Variants in FCHO2 observed in about 807,000 individuals in gnomAD.
FCHO2 encodes the protein FCH and mu domain containing endocytic adaptor 2, also known as F-BAR domain only protein 2.
A neutral mutation model predicts 114.1 loss-of-function variants in FCHO2; 43 were observed. The observed-to-expected ratio is 0.38, with a 90% CI of 0.30 to 0.49. The LOEUF (loss-of-function observed/expected upper bound fraction) is 0.49, where lower values mean the gene tolerates loss of function less well. Among genes scored for constraint, FCHO2 ranks in the 20% least tolerant of loss-of-function variants. The pLI is 0.97. For missense variants in FCHO2, 807 were observed against 950.4 expected (o/e 0.85, Z 1.98); for synonymous variants, 293 against 315.2 (o/e 0.93, Z 0.75).
At chr5:72,984,042 A>C (rs2112652039) in intron 2 of FCHO2, among the ~76,000 whole-genome samples, 1 of 152,208 alleles carries the variant, frequency 6.6e-6, no homozygotes, top group African/African-American at 2.4e-5. Context: ...GTTCTCATCA[A>C]TTCTTGGTAT....
chr5:73,083,609 C>T (rs965032604), intron 24 of FCHO2, among the ~76,000 whole-genome samples: 2 of 152,086 alleles, frequency 1.3e-5, no homozygotes, highest in African/African-American at 4.8e-5. Context: ...AGCCCCTTGC[C>T]GTCCCGGCAC....
At chr5:72,974,899 C>G (rs903455379) in intron 2 of FCHO2, among the ~76,000 whole-genome samples, 6 of 152,224 alleles carry the variant, frequency 3.9e-5, no homozygotes, top group South Asian at 2.1e-4. Flanking sequence ...GGCAGGCCTG[C>G]TGGTGACAAA....
chr5:73,068,305 A>G (rs1268323472), intron 18 of FCHO2, among the ~76,000 whole-genome samples: 1 of 152,018 alleles, frequency 6.6e-6, no homozygotes, highest in Non-Finnish European at 1.5e-5. Context: ...TCTTATATTT[A>G]TAGTCAGGTA....
In FCHO2 at chr5:73,047,168, T is replaced by A. The variant is rs564291460; in HGVS notation, c.940-4181T>A. On this transcript the variant is annotated intron_variant, in intron 11 of 25. Coordinates refer to ENST00000430046, the MANE Select transcript of FCHO2 (RefSeq NM_138782.3). ...TTTGCATTCTCTCTCTGTTTGTGCA[T>A]GTGTTTATATGTGTATAATATTTTT... Among the ~76,000 whole-genome samples, 64 of 152,344 alleles carry A rather than the reference T, an allele frequency of 4.2e-4. No homozygotes were observed. The South Asian group carries it at 5.0e-3, about 12-fold the overall frequency.
intron 2 of FCHO2, among the ~76,000 whole-genome samples, chr5:72,984,688 G>C (rs1166453123): frequency 6.6e-6 from 1 of 152,148 alleles, no homozygotes; most frequent in Non-Finnish European, 1.5e-5. Context: ...TTTTGAGACA[G>C]GGTCTCACTG....
At chr5:72,965,206 A>G (rs530364425) in intron 1 of FCHO2, among the ~76,000 whole-genome samples, 1 of 152,218 alleles carries the variant, frequency 6.6e-6, no homozygotes, top group Non-Finnish European at 1.5e-5. Flanking sequence ...AATTGCTTGC[A>G]TACAAAGGCA....
At chr5:73,031,381 C>G (rs1756234788) in intron 8 of FCHO2, among the ~76,000 whole-genome samples, 1 of 152,118 alleles carries the variant, frequency 6.6e-6, no homozygotes, top group South Asian at 2.1e-4. Flanking sequence ...CCCAGACTTT[C>G]TATTTGAGTT....
At chr5:73,036,089 G>A (rs567189021) in intron 9 of FCHO2, among the ~76,000 whole-genome samples, 3 of 152,060 alleles carry the variant, frequency 2.0e-5, no homozygotes, top group East Asian at 1.9e-4. Context: ...TAGGTGATCC[G>A]CCCACGTCGG....
intron 11 of FCHO2, among the ~76,000 whole-genome samples, chr5:73,041,723 C>G (rs1445509781): frequency 6.6e-6 from 1 of 152,046 alleles, no homozygotes; most frequent in African/African-American, 2.4e-5. Flanking sequence ...TTAGAAATAA[C>G]AGCAACAAGA....
In FCHO2 at chr5:73,033,958, A is replaced by AAATT. The variant is rs1353402904; in HGVS notation, c.797-694_797-691dup. ...ACAATCTATCTCTCATAGCAATGCT[A>AAATT]AATTAATTGTCCTTGAAGATCTCTT... On this transcript the variant is annotated intron_variant, in intron 8 of 25. Coordinates refer to ENST00000430046, the MANE Select transcript of FCHO2 (RefSeq NM_138782.3). Among the ~76,000 whole-genome samples the AAATT allele has an allele frequency of 2.0e-5, 3 of 152,316 alleles. No homozygotes were observed. In the East Asian group the frequency reaches 5.8e-4, roughly 29 times the overall value.
chr5:72,956,202 G>C (rs1751522027), intron 1 of FCHO2, 73 bp downstream of exon 1: 1 of 1,472,550 alleles, frequency 6.8e-7, no homozygotes, highest in Non-Finnish European at 9.1e-7. Flanking sequence ...GCCTGCGTGC[G>C]CTTCGGGCGG....
At chr5:73,017,044 C>G (rs1755342465) in intron 7 of FCHO2, among the ~76,000 whole-genome samples, 168 bp from the exon 8 acceptor site, 1 of 152,134 alleles carries the variant, frequency 6.6e-6, no homozygotes, top group Non-Finnish European at 1.5e-5. Flanking sequence ...TGGTTGGTCC[C>G]TACAGATCCA....
chr5:73,032,094 G>C (rs1010203280), intron 8 of FCHO2, among the ~76,000 whole-genome samples: 4 of 152,294 alleles, frequency 2.6e-5, no homozygotes, highest in East Asian at 1.9e-4. Flanking sequence ...CATGCTACAG[G>C]GGGGGTCAGA....
intron 1 of FCHO2, 125 bp from the exon 2 acceptor site, chr5:72,968,371 ATG>A: frequency 1.7e-6 from 1 of 595,900 alleles, no homozygotes; most frequent in Non-Finnish European, 2.8e-6. Context: ...CATACAATAA[ATG>A]AGAAAAATTT....
intron 10 of FCHO2, among the ~76,000 whole-genome samples, chr5:73,040,807 A>AT (rs566716530): frequency 1.1e-3 from 173 of 152,112 alleles, no homozygotes; most frequent in African/African-American, 4.0e-3. Context: ...TAAAAATTGT[A>AT]TTTTTTCCAG....
intron 17 of FCHO2, among the ~76,000 whole-genome samples, chr5:73,063,451 G>A (rs1757935832): frequency 6.6e-6 from 1 of 152,062 alleles, no homozygotes; most frequent in East Asian, 1.9e-4. Context: ...TATTCTGGAG[G>A]TACAGCTTCA....
At chr5:73,083,240 A>C (rs978979247) in intron 24 of FCHO2, among the ~76,000 whole-genome samples, 1 of 152,088 alleles carries the variant, frequency 6.6e-6, no homozygotes, top group Admixed American at 6.6e-5. Flanking sequence ...AAGTTTATGT[A>C]AAGTTTCCTC....
intron 2 of FCHO2, among the ~76,000 whole-genome samples, chr5:72,980,962 A>T (rs1479485436): frequency 6.6e-6 from 1 of 151,864 alleles, no homozygotes; most frequent in Non-Finnish European, 1.5e-5. Context: ...TAATATTGTT[A>T]TGTGTGAATT....
Position 73,081,841 on chromosome 5 carries a change from G to A in FCHO2, c.2039G>A (p.Ser680Asn). Reference sequence around the variant, plus strand: ...AATCTTGCAACATACTGGAAATGTAGTGCTAGCACCACAGATCTTAGAGTG... The same window carrying A: ...AATCTTGCAACATACTGGAAATGTAATGCTAGCACCACAGATCTTAGAGTG... Reference protein sequence around the residue: ...PLNLATYWKCSASTTDLRVDY... With the variant: ...PLNLATYWKCNASTTDLRVDY... Residue 680 changes from serine to asparagine, a missense_variant, in exon 23 of 26, where the codon AGT becomes AAT. Physicochemically the swap from Ser to Asn is conservative, Grantham distance 46 (BLOSUM62 1). Coordinates refer to ENST00000430046, the MANE Select transcript of FCHO2 (RefSeq NM_138782.3). 1 of 1,610,562 alleles carries A rather than the reference G, an allele frequency of 6.2e-7. No homozygotes were observed. The highest frequency in any genetic ancestry group is 8.5e-7 in the Non-Finnish European group (1 of 1,178,088).
Sources: allele counts gnomAD v4.1 joint callset (sites outside exome capture counted in the v4.1 genomes callset), GRCh38; gene constraint gnomAD v4.1.1; transcripts MANE v1.5; gene names NCBI Gene and HGNC (gene_info 2026-07-23, HGNC 2026-07-21).